ZNF780A: variants seen among roughly 807,000 people sequenced by gnomAD.
The protein encoded by ZNF780A is zinc finger protein 780A.
Under a neutral mutation model 56.7 loss-of-function variants are expected in ZNF780A, and 40 were observed. That is an observed-to-expected ratio of 0.71 (90% confidence interval 0.55 to 0.92). The LOEUF (loss-of-function observed/expected upper bound fraction) is 0.92. Among genes scored for constraint, ZNF780A ranks in the 40% least tolerant of loss-of-function variants. ZNF780A has a pLI of 0.00. For synonymous variants in ZNF780A, 231 were observed against 248.3 expected (o/e 0.93, Z 0.66); for missense variants, 672 against 783.3 (o/e 0.86, Z 1.70).
At chr19:40,070,713 A>T (rs1019635678), downstream of ZNF780A, 1 of 152,170 alleles carries the variant, frequency 6.6e-6, no homozygotes, top group Non-Finnish European at 1.5e-5. Flanking sequence ...AACTTTAGCA[A>T]ATATTTTAAA....
chr19:40,074,422 C>G lies in ZNF780A; in HGVS notation c.*94G>C. The G allele has an allele frequency of 1.3e-6, 2 of 1,566,264 alleles. No homozygotes were observed. The highest frequency in any genetic ancestry group is 2.5e-5 in the South Asian group (2 of 81,240). ...AACCACAAATGAAGCCTTTCCCACA[C>G]CCCTTACATTCACATGGTTTTACAC... On this transcript the variant is annotated 3_prime_UTR_variant, in exon 6 of 6. Coordinates refer to ENST00000683561, the MANE Select transcript of ZNF780A (RefSeq NM_001142578.2).
downstream of ZNF780A, chr19:40,071,161 C>T (rs143518536): frequency 2.6e-5 from 4 of 151,974 alleles, no homozygotes; most frequent in South Asian, 6.2e-4. Context: ...GATATATTCA[C>T]AAAAAGAAGA....
rs1326544238 is a variant in ZNF780A at position 40,073,941 on chromosome 19, T to C, written c.*575A>G. 6.7e-6 allele frequency: 7 copies of C among 1,038,874 alleles called. No individual in the cohort carries two copies. The highest frequency in any genetic ancestry group is 1.7e-5 in the African/African-American group (1 of 58,594). 64.4% of individuals were successfully genotyped at this position (1,038,874 alleles called of 1,614,324 possible). A position where few individuals can be genotyped will look rare whatever the true frequency, so the allele number is the denominator to read the frequency against. On this transcript the variant is annotated 3_prime_UTR_variant, in exon 6 of 6. Transcript: ENST00000683561. Reference sequence around the variant, plus strand: ...CATATTCCTTACATTATAGCGTTTCTCACCAGTATGAATTTTAACATGTTG... The same window carrying C: ...CATATTCCTTACATTATAGCGTTTCCCACCAGTATGAATTTTAACATGTTG...
rs1973902029 is a variant in ZNF780A at position 40,073,259 on chromosome 19, T to C, written c.*1257A>G. 1 of 377,204 alleles carries C rather than the reference T, an allele frequency of 2.7e-6. No individual in the cohort carries two copies. The highest frequency in any genetic ancestry group is 3.9e-6 in the Non-Finnish European group (1 of 253,952). 23.4% of individuals were successfully genotyped at this position (377,204 alleles called of 1,614,324 possible). ...AAACCCACAACAAGTATCAACTAGGTTTACCATCTTTTATGGGCAGAATTT... is the reference window on the plus strand; with the variant it reads ...AAACCCACAACAAGTATCAACTAGGCTTACCATCTTTTATGGGCAGAATTT... On this transcript the variant is annotated 3_prime_UTR_variant, in exon 6 of 6. Transcript: ENST00000683561.
In ZNF780A at chr19:40,073,743, T is replaced by G. The variant is rs1045732232; in HGVS notation, c.*773A>C. The G allele has an allele frequency of 1.0e-6, 1 of 986,098 alleles. No individual in the cohort carries two copies. 61.1% of individuals were successfully genotyped at this position (986,098 alleles called of 1,614,324 possible). On this transcript the variant is annotated 3_prime_UTR_variant, in exon 6 of 6. Coordinates refer to ENST00000683561, the MANE Select transcript of ZNF780A (RefSeq NM_001142578.2). ...AAATCCCAGGCCATGATGAAAGTTC[T>G]TCACACATTCTTTTATGTTCACAAG...
At position 40,073,106 on chromosome 19, in the gene ZNF780A, G is replaced by A; in HGVS notation, c.*1410C>T. On this transcript the variant is annotated 3_prime_UTR_variant, in exon 6 of 6. Transcript: ENST00000683561. ...GATACACACGTTGATTAAATAAAGGGTAAAGTGTCATGATGTCTAAAACTT... is the reference window on the plus strand; with the variant it reads ...GATACACACGTTGATTAAATAAAGGATAAAGTGTCATGATGTCTAAAACTT... The A allele has an allele frequency of 7.6e-7, 1 of 1,316,156 alleles. No homozygotes were observed. Among genetic ancestry groups the A allele is most frequent in the Non-Finnish European group, 9.7e-7 (1 of 1,026,526 alleles). 81.5% of individuals were successfully genotyped at this position (1,316,156 alleles called of 1,614,324 possible).
downstream of ZNF780A, chr19:40,072,653 C>CAAAAAAAAAAAAAAAAAAAAA (rs200980070): frequency 1.9e-6 from 1 of 524,402 alleles, no homozygotes; most frequent in African/African-American, 2.6e-5. Context: ...CTTGCAACTG[C>CAAAAAAAAAAAAAAAAAAAAA]AAAAAAAAAA....
At chr19:40,080,233 ACTAATT>A (rs1880002270) in intron 5 of ZNF780A, among the ~76,000 whole-genome samples, 1 of 152,200 alleles carries the variant, frequency 6.6e-6, no homozygotes, top group Non-Finnish European at 1.5e-5. Context: ...CTCTCAAAGA[ACTAATT>A]CTCCTCAAAC....
chr19:40,082,009 G>A (rs538443938), intron 4 of ZNF780A, 95 bp from the exon 5 acceptor site: 2 of 819,356 alleles, frequency 2.4e-6, no homozygotes, highest in East Asian at 2.9e-5. Flanking sequence ...TAAATTACAA[G>A]TCAAAACAAT....
chr19:40,081,791 TC>T (rs1568453337), intron 5 of ZNF780A, 27 bp downstream of exon 5: 4 of 1,573,866 alleles, frequency 2.5e-6, no homozygotes, highest in Non-Finnish European at 1.7e-6. Flanking sequence ...AATGATGGCT[TC>T]CCCCCGCCTG....
In ZNF780A at chr19:40,083,131, T is replaced by C. The variant is rs1974579344; in HGVS notation, c.116A>G (p.Tyr39Cys). ...CTTACCCAGTGAGATCAGGTGGCTGTAGTTCTCCAACATCACATCCCTGTA... is the reference window on the plus strand; with the variant it reads ...CTTACCCAGTGAGATCAGGTGGCTGCAGTTCTCCAACATCACATCCCTGTA... ...TLYRDVMLEN[Y>C]SHLISLGSSI... The change falls in exon 4 of 6, where the codon TAC becomes TGC. Residue 39 changes from tyrosine to cysteine, a missense_variant. Tyr to Cys is a radical substitution (Grantham distance 194, BLOSUM62 -2). Coordinates refer to ENST00000683561, the MANE Select transcript of ZNF780A (RefSeq NM_001142578.2). The C allele has an allele frequency of 2.5e-6, 4 of 1,614,186 alleles. No individual in the cohort carries two copies. The highest frequency in any genetic ancestry group is 3.4e-6 in the Non-Finnish European group (4 of 1,180,036).
intron 5 of ZNF780A, 133 bp from the exon 6 acceptor site, chr19:40,076,342 A>T: frequency 1.1e-6 from 1 of 890,798 alleles, no homozygotes; most frequent in Non-Finnish European, 1.6e-6. Flanking sequence ...AAACCAACAA[A>T]GTTGGTAGAT....
chr19:40,080,080 T>TGACA (rs976864549), intron 5 of ZNF780A, among the ~76,000 whole-genome samples: 3 of 151,960 alleles, frequency 2.0e-5, no homozygotes, highest in Non-Finnish European at 2.9e-5. Context: ...ATATTACCAC[T>TGACA]GACACCACAG....
Position 40,075,048 on chromosome 19 carries a change from C to A in ZNF780A, c.1394G>T (p.Arg465Leu). 1.2e-6 allele frequency: 2 copies of A among 1,613,908 alleles called. No individual in the cohort carries two copies. The highest frequency in any genetic ancestry group is 1.7e-6 in the Non-Finnish European group (2 of 1,179,986). Residue 465 changes from arginine to leucine, a missense_variant, in exon 6 of 6, where the codon CGA becomes CTA. Transcript: ENST00000683561. Reference protein sequence around the residue: ...RYHCQLIEHSRIHTGDKPFEC... With the variant: ...RYHCQLIEHSLIHTGDKPFEC... ...AAATGGCTTGTCACCAGTATGAATTCGAGAATGTTCAATAAGTTGGCAATG... is the reference window on the plus strand; with the variant it reads ...AAATGGCTTGTCACCAGTATGAATTAGAGAATGTTCAATAAGTTGGCAATG...
intron 2 of ZNF780A, among the ~76,000 whole-genome samples, chr19:40,087,928 A>T (rs1974909006): frequency 6.6e-6 from 1 of 152,314 alleles, no homozygotes; most frequent in East Asian, 1.9e-4. Context: ...ACTCTTCAAA[A>T]AATACTGTTG....
chr19:40,083,022 C>T, intron 4 of ZNF780A, 89 bp downstream of exon 4: 2 of 1,602,840 alleles, frequency 1.2e-6, no homozygotes, highest in South Asian at 1.1e-5. Context: ...ATTCAGCCAC[C>T]TCTTAAAAGA....
chr19:40,071,372 G>A (rs1973810994), downstream of ZNF780A: 1 of 152,112 alleles, frequency 6.6e-6, no homozygotes, highest in Non-Finnish European at 1.5e-5. Flanking sequence ...ATGTATAGGT[G>A]CTGATGATAA....
downstream of ZNF780A, chr19:40,072,459 A>C (rs1444559475): frequency 1.3e-5 from 2 of 155,726 alleles, no homozygotes; most frequent in East Asian, 3.6e-4. Context: ...GGTAAGAAAG[A>C]GAGCCCGCTA....
rs374806263 is a variant in ZNF780A, at chr19:40,074,486, C to T, written c.*30G>A. 72 of 1,609,648 alleles carry T rather than the reference C, an allele frequency of 4.5e-5. No homozygotes were observed. Among genetic ancestry groups the T allele is most frequent in the Non-Finnish European group, 5.6e-5 (66 of 1,177,676 alleles). The stretch of plus-strand genomic sequence containing the variant: ...CTGATGTTGAACATGGTTTGAGACA[C>T]GATTAAAGGACTTTCCACATTCCTT... On this transcript the variant is annotated 3_prime_UTR_variant, in exon 6 of 6. Transcript: ENST00000683561.
Sources: gnomAD v4.1 joint callset for allele counts (sites outside exome capture counted in the v4.1 genomes callset) on GRCh38, gnomAD v4.1.1 for gene constraint, MANE v1.5 for transcripts, NCBI Gene and HGNC (gene_info 2026-07-23, HGNC 2026-07-21) for gene names.